The following KCTD8 variants were observed in gnomAD, a reference collection of about 807,000 sequenced individuals.
KCTD8 encodes BTB/POZ domain-containing protein KCTD8.
In KCTD8, 27 loss-of-function variants were observed where a neutral mutation model predicts 31.5. That is an observed-to-expected ratio of 0.86 (90% CI 0.63 to 1.18). The LOEUF is 1.18. Among genes scored for constraint, KCTD8 ranks in the 50% most tolerant of loss-of-function variants. The pLI is 0.00. For missense variants in KCTD8, 658 were observed against 647.7 expected, an observed-to-expected ratio of 1.02 and a Z score of -0.17; for synonymous variants, 290 against 280.0, an observed-to-expected ratio of 1.04 and a Z score of -0.36.
intron 1 of KCTD8, among the ~76,000 whole-genome samples, chr4:44,422,607 T>C (rs576527180): frequency 6.6e-5 from 10 of 152,192 alleles, no homozygotes; most frequent in African/African-American, 1.9e-4. Context: ...CATGTGATCA[T>C]TGACAGAAAT....
chr4:44,406,560 C>G (rs1347858038), intron 1 of KCTD8, among the ~76,000 whole-genome samples: 1 of 152,092 alleles, frequency 6.6e-6, no homozygotes, highest in Admixed American at 6.5e-5. Flanking sequence ...CCAGCCATGT[C>G]GAAGTCCAAT....
At chr4:44,253,107 C>T (rs1360409553) in intron 1 of KCTD8, among the ~76,000 whole-genome samples, 5 of 151,654 alleles carry the variant, frequency 3.3e-5, no homozygotes, top group African/African-American at 4.8e-5. Flanking sequence ...TTAATATCCC[C>T]ATATTTTAAA....
chr4:44,296,225 C>T (rs1476504508), intron 1 of KCTD8, among the ~76,000 whole-genome samples: 1 of 152,094 alleles, frequency 6.6e-6, no homozygotes, highest in Non-Finnish European at 1.5e-5. Flanking sequence ...ATAAGTCCTC[C>T]CTTTTTTTTC....
At position 44,406,945 on chromosome 4, in the gene KCTD8, A is replaced by T. The variant is rs377192460; in HGVS notation, c.961+40618T>A. On this transcript the variant is annotated intron_variant, in intron 1 of 1. Transcript: ENST00000360029. Reference sequence around the variant, plus strand: ...ATAACTAAATAAATATGAGAATATAAATCTTGAATGCTAAATGCATATAGA... The same window carrying T: ...ATAACTAAATAAATATGAGAATATATATCTTGAATGCTAAATGCATATAGA... 2.6e-5 allele frequency among the ~76,000 whole-genome samples: 4 copies of T among 152,332 alleles called. No homozygotes were observed. The East Asian group carries it at 7.7e-4, about 29-fold the overall frequency.
intron 1 of KCTD8, among the ~76,000 whole-genome samples, chr4:44,204,034 A>G (rs1246782411): frequency 1.3e-5 from 2 of 152,098 alleles, no homozygotes. Flanking sequence ...CCAGTACAAA[A>G]AAATGAAGGC....
intron 1 of KCTD8, among the ~76,000 whole-genome samples, chr4:44,188,160 C>T (rs1263008149): frequency 6.6e-6 from 1 of 152,182 alleles, no homozygotes. Flanking sequence ...TTCCAACAAT[C>T]CTCAGCCATA....
At chr4:44,306,189 A>G (rs13123895) in intron 1 of KCTD8, among the ~76,000 whole-genome samples, 9,438 of 152,094 alleles carry the variant, frequency 0.062, 431 homozygotes, top group Admixed American at 0.15. Flanking sequence ...AAGATTATAA[A>G]TAGAAAATGA....
At chr4:44,397,968 T>C (rs1021569266) in intron 1 of KCTD8, among the ~76,000 whole-genome samples, 6 of 152,160 alleles carry the variant, frequency 3.9e-5, no homozygotes, top group Non-Finnish European at 8.8e-5. Context: ...AAATGTACTA[T>C]CCTTTTGGTC....
At position 44,234,705 on chromosome 4, in the gene KCTD8, T is replaced by C. The variant is rs1367330939; in HGVS notation, c.962-59455A>G. Among the ~76,000 whole-genome samples the C allele has an allele frequency of 2.6e-5, 4 of 152,164 alleles. No individual in the cohort carries two copies. In the East Asian group the frequency reaches 7.7e-4, roughly 29 times the overall value. ...CTTGCTTCCTTTTAGTTAATGAACA[T>C]GTAAGAGGCCTCTATAAGCCAGGCC... On this transcript the variant is annotated intron_variant, in intron 1 of 1. Coordinates refer to ENST00000360029, the MANE Select transcript of KCTD8 (RefSeq NM_198353.3).
Position 44,290,737 on chromosome 4 carries a change from G to A in KCTD8, c.962-115487C>T, listed in dbSNP as rs181764314. Among the ~76,000 whole-genome samples the A allele has an allele frequency of 2.9e-4, 44 of 152,114 alleles. No individual in the cohort carries two copies. In the East Asian group the frequency reaches 4.1e-3, roughly 14 times the overall value. On this transcript the variant is annotated intron_variant, in intron 1 of 1. Coordinates refer to ENST00000360029, the MANE Select transcript of KCTD8 (RefSeq NM_198353.3). The stretch of plus-strand genomic sequence containing the variant: ...TTGGGTGAGCAACAAAATTAAAGCC[G>A]AGATTAAAAAATTCTATGAAATTAA...
intron 1 of KCTD8, among the ~76,000 whole-genome samples, chr4:44,291,203 G>A (rs527873902): frequency 6.6e-6 from 1 of 152,056 alleles, no homozygotes; most frequent in Non-Finnish European, 1.5e-5. Context: ...TAATTAGGAA[G>A]TCTAGAGGAA....
chr4:44,416,977 T>A (rs189393091), intron 1 of KCTD8, among the ~76,000 whole-genome samples: 73 of 152,310 alleles, frequency 4.8e-4, no homozygotes, highest in African/African-American at 1.7e-3. Flanking sequence ...GATTATGAAC[T>A]TTTACAGTCA....
chr4:44,398,248 C>T (rs1322775365), intron 1 of KCTD8, among the ~76,000 whole-genome samples: 16 of 152,164 alleles, frequency 1.1e-4, no homozygotes, highest in African/African-American at 3.9e-4. Context: ...TTTAATAAGT[C>T]AACTGCTGCA....
At chr4:44,333,718 G>A (rs1560428730) in intron 1 of KCTD8, among the ~76,000 whole-genome samples, 1 of 152,096 alleles carries the variant, frequency 6.6e-6, no homozygotes, top group Non-Finnish European at 1.5e-5. Context: ...ATGTGATGTT[G>A]TATTGAGGTG....
At chr4:44,340,251 A>G (rs1276575025) in intron 1 of KCTD8, among the ~76,000 whole-genome samples, 1 of 152,150 alleles carries the variant, frequency 6.6e-6, no homozygotes, top group Non-Finnish European at 1.5e-5. Flanking sequence ...AAAGAATTGT[A>G]CAAGAATATA....
intron 1 of KCTD8, among the ~76,000 whole-genome samples, chr4:44,365,374 G>A (rs1283504467): frequency 6.6e-6 from 1 of 152,050 alleles, no homozygotes; most frequent in African/African-American, 2.4e-5. Flanking sequence ...AAATTCTCAT[G>A]CTGTCCTTGA....
At position 44,448,657 on chromosome 4, in the gene KCTD8, G is replaced by T; in HGVS notation, c.-134C>A. ...GCGGCGCGTTCCTCCGACCGGGGCG[G>T]CCCCGCTCAGGGTTCGGGGCAGCGG... On this transcript the variant is annotated 5_prime_UTR_variant, in exon 1 of 2. Coordinates refer to ENST00000360029, the MANE Select transcript of KCTD8 (RefSeq NM_198353.3). The surrounding 1 kb of genome is among the most constrained non-coding windows in gnomAD (Gnocchi z 4.1). 1 of 1,003,950 alleles carries T rather than the reference G, an allele frequency of 1.0e-6. No individual in the cohort carries two copies. Among genetic ancestry groups the T allele is most frequent in the Non-Finnish European group, 1.3e-6 (1 of 774,572 alleles). The allele number at this position is 1,003,950 out of a possible 1,614,324, so 62.2% of individuals were successfully genotyped here. A position where few individuals can be genotyped will look rare whatever the true frequency, so the allele number is the denominator to read the frequency against.
chr4:44,417,474 G>T (rs1721103050), intron 1 of KCTD8, among the ~76,000 whole-genome samples: 1 of 151,662 alleles, frequency 6.6e-6, no homozygotes, highest in African/African-American at 2.4e-5. Flanking sequence ...TGGCTCAAAA[G>T]AACTTGCCAC....
At chr4:44,235,157 A>G (rs1715237251) in intron 1 of KCTD8, among the ~76,000 whole-genome samples, 1 of 151,664 alleles carries the variant, frequency 6.6e-6, no homozygotes, top group Non-Finnish European at 1.5e-5. Context: ...TAGAAAAATA[A>G]GCACTTATAT....
Sources: allele counts gnomAD v4.1 joint callset (sites outside exome capture counted in the v4.1 genomes callset), GRCh38; gene constraint gnomAD v4.1.1; non-coding constraint Gnocchi (gnomAD v3.1); transcripts MANE v1.5; gene names NCBI Gene and HGNC (gene_info 2026-07-23, HGNC 2026-07-21).